RPS6KC1: variants seen among roughly 807,000 people sequenced by gnomAD.
The protein encoded by RPS6KC1 is inactive ribosomal protein S6 kinase delta-1.
A neutral mutation model predicts 103.8 loss-of-function variants in RPS6KC1; 54 were observed. The ratio of observed to expected loss-of-function variants is 0.52; its 90% CI spans 0.42 to 0.65. The LOEUF is 0.65. Among genes scored for constraint, RPS6KC1 ranks in the 30% least tolerant of loss-of-function variants. The pLI is 0.00. For missense variants in RPS6KC1, 1,151 were observed against 1,253.8 expected (o/e 0.92, Z 1.24); for synonymous variants, 439 against 438.7 (o/e 1.00, Z -0.01).
At chr1:213,248,422 A>G (rs187930261) in intron 12 of RPS6KC1, among the ~76,000 whole-genome samples, 1 of 152,270 alleles carries the variant, frequency 6.6e-6, no homozygotes, top group East Asian at 1.9e-4. Flanking sequence ...CTCAGTTCTT[A>G]TCGTCATAAA....
chr1:213,097,672 G>T (rs1030189760), intron 3 of RPS6KC1, among the ~76,000 whole-genome samples: 2 of 152,304 alleles, frequency 1.3e-5, no homozygotes, highest in South Asian at 4.1e-4. Context: ...TCTTCCAAAA[G>T]AAGGCTGTTT....
chr1:213,650,853 A>G, the RPS6KC1 span, among the ~76,000 whole-genome samples: 1 of 151,466 alleles, frequency 6.6e-6, no homozygotes, highest in Non-Finnish European at 1.5e-5. Context: ...AAACACAGAT[A>G]GGTTATCAGC....
Position 213,074,843 on chromosome 1 carries a change from ATTTTTTTTT to A in RPS6KC1, c.142-2831_142-2823del, listed in dbSNP as rs752747801. On this transcript the variant is annotated intron_variant, in intron 2 of 14. Coordinates refer to ENST00000366960, the MANE Select transcript of RPS6KC1 (RefSeq NM_012424.6). Reference sequence around the variant, plus strand: ...TTTAAAAATGACTTAACTAGAATAAATTTTTTTTTTTTTTTTTTTTTTTTTTTTTTACGG... The same window carrying A: ...TTTAAAAATGACTTAACTAGAATAAATTTTTTTTTTTTTTTTTTTTTACGG... Among the ~76,000 whole-genome samples, 36 of 71,322 alleles carry A rather than the reference ATTTTTTTTT, an allele frequency of 5.0e-4. 1 individual carries two copies. Among genetic ancestry groups the A allele is most frequent in the Admixed American group, 1.4e-3 (7 of 5,110 alleles). 46.8% of individuals were successfully genotyped at this position (71,322 alleles called of 152,430 possible).
chr1:213,127,802 A>T (rs1294511358), intron 5 of RPS6KC1, among the ~76,000 whole-genome samples: 5 of 152,176 alleles, frequency 3.3e-5, no homozygotes, highest in African/African-American at 1.2e-4. Flanking sequence ...AAATGTTGAC[A>T]TATGATTTTT....
the RPS6KC1 span, among the ~76,000 whole-genome samples, chr1:213,639,161 A>G: frequency 6.6e-6 from 1 of 152,144 alleles, no homozygotes; most frequent in East Asian, 1.9e-4. Context: ...GTTACTATAT[A>G]GAAATACAAT....
At chr1:213,797,552 G>C in the RPS6KC1 span, among the ~76,000 whole-genome samples, 1 of 152,180 alleles carries the variant, frequency 6.6e-6, no homozygotes, top group Non-Finnish European at 1.5e-5. Flanking sequence ...AAAAGACTTT[G>C]ACCACGTCTA....
the RPS6KC1 span, among the ~76,000 whole-genome samples, chr1:213,360,941 G>A: frequency 1.1e-4 from 17 of 152,298 alleles, no homozygotes; most frequent in Middle Eastern, 3.4e-3. Context: ...AGGGCTACTC[G>A]GCTGCGTGAG....
chr1:213,541,088 T>C, the RPS6KC1 span, among the ~76,000 whole-genome samples: 1 of 68,498 alleles, frequency 1.5e-5, no homozygotes, highest in East Asian at 4.9e-4. Context: ...ATCCATGGGG[T>C]TTGGAATCAA....
the RPS6KC1 span, among the ~76,000 whole-genome samples, chr1:213,439,884 C>T: frequency 0.011 from 1,665 of 149,172 alleles, 10 homozygotes; most frequent in Middle Eastern, 0.021. Context: ...AGAGAGAGAG[C>T]GAAAAGATTA....
At chr1:213,529,872 C>T in the RPS6KC1 span, among the ~76,000 whole-genome samples, 1 of 152,084 alleles carries the variant, frequency 6.6e-6, no homozygotes, top group African/African-American at 2.4e-5. Flanking sequence ...CTCTGGGTCT[C>T]CTGTGGATCT....
chr1:213,242,135 G>C lies in RPS6KC1; in HGVS notation c.2659G>C (p.Glu887Gln). The stretch of plus-strand genomic sequence containing the variant: ...AGACAAGGAAATACATCAGATTTTT[G>C]AGGACCTTGATAAAAAATTAGCACT... ...EGDKEIHQIF[E>Q]DLDKKLALAS... The change falls in exon 11 of 15, where the codon GAG (glutamate) becomes CAG (glutamine). Residue 887 changes from glutamate (E) to glutamine (Q), a missense_variant. By Grantham distance (29) the Glu-to-Gln change is conservative (BLOSUM62 2). This residue lies in a region of RPS6KC1 where 189 missense variants were observed against 228.8 expected (regional missense o/e 0.83). Coordinates refer to ENST00000366960, the MANE Select transcript of RPS6KC1 (RefSeq NM_012424.6). The C allele has an allele frequency of 6.2e-7, 1 of 1,613,758 alleles. No individual in the cohort carries two copies. Among genetic ancestry groups the C allele is most frequent in the Non-Finnish European group, 8.5e-7 (1 of 1,179,774 alleles).
chr1:213,159,972 C>T (rs775216716), intron 6 of RPS6KC1, among the ~76,000 whole-genome samples: 9 of 152,154 alleles, frequency 5.9e-5, no homozygotes, highest in Non-Finnish European at 1.2e-4. Context: ...TTAGTTCTGA[C>T]AGGTTATTAG....
At chr1:213,690,904 G>T in the RPS6KC1 span, among the ~76,000 whole-genome samples, 1 of 152,038 alleles carries the variant, frequency 6.6e-6, no homozygotes, top group African/African-American at 2.4e-5. Context: ...AAAGTCCAAG[G>T]TACTCCTGGC....
chr1:213,784,824 C>A, the RPS6KC1 span, among the ~76,000 whole-genome samples: 155 of 152,180 alleles, frequency 1.0e-3, 2 homozygotes, highest in Non-Finnish European at 1.3e-4. Flanking sequence ...TGCTTCCCCC[C>A]ATTAAGTGAG....
At chr1:213,475,770 G>C in the RPS6KC1 span, among the ~76,000 whole-genome samples, 1 of 152,170 alleles carries the variant, frequency 6.6e-6, no homozygotes, top group Admixed American at 6.5e-5. Flanking sequence ...CCGGGAAATG[G>C]CCATCTTTGG....
chr1:213,184,478 AT>A (rs60844583), intron 8 of RPS6KC1, among the ~76,000 whole-genome samples: 19 of 147,740 alleles, frequency 1.3e-4, no homozygotes, highest in African/African-American at 1.5e-4. Flanking sequence ...TTGATCTTGT[AT>A]TTTTTTTTTG....
chr1:213,262,842 G>A, intron 14 of RPS6KC1, 26 bp downstream of exon 14: 1 of 1,364,444 alleles, frequency 7.3e-7, no homozygotes. Flanking sequence ...TATTGGCCAG[G>A]TTTATCAACC....
At chr1:213,189,129 G>A (rs759798336) in intron 8 of RPS6KC1, among the ~76,000 whole-genome samples, 1 of 152,076 alleles carries the variant, frequency 6.6e-6, no homozygotes, top group Admixed American at 6.5e-5. Flanking sequence ...AATATTGCTA[G>A]AGTAACTGGG....
chr1:213,197,115 G>C (rs992628974), intron 8 of RPS6KC1, among the ~76,000 whole-genome samples: 3 of 152,160 alleles, frequency 2.0e-5, no homozygotes, highest in African/African-American at 7.2e-5. Context: ...GGGATTACAG[G>C]CATGAGCCAC....
Sources: gnomAD v4.1 joint callset for allele counts (sites outside exome capture counted in the v4.1 genomes callset) on GRCh38, gnomAD v4.1.1 for gene constraint, gnomAD v4.1.1 regional missense constraint, MANE v1.5 for transcripts, NCBI Gene and HGNC (gene_info 2026-07-23, HGNC 2026-07-21) for gene names.